NBAS: variants seen among roughly 807,000 people sequenced by gnomAD.
NBAS encodes NBAS subunit of NRZ tethering complex.
In NBAS, 219 loss-of-function variants were observed where a neutral mutation model predicts 302.5. That is an observed-to-expected ratio of 0.72 (90% CI 0.65 to 0.81). NBAS has a LOEUF of 0.81. Ranked by LOEUF, NBAS falls within the 30% of genes least tolerant of loss-of-function variation. NBAS has a pLI of 0.00. For missense variants in NBAS, 2,932 were observed against 2,841.6 expected (o/e 1.03, Z -0.72); for synonymous variants, 1,118 against 1,021.6 (o/e 1.09, Z -1.80).
chr2:15,108,046 C>T, the NBAS span, among the ~76,000 whole-genome samples: 1 of 151,880 alleles, frequency 6.6e-6, no homozygotes, highest in East Asian at 1.9e-4. Flanking sequence ...AATTAGAGTT[C>T]CATTGTATTA....
chr2:15,085,162 T>C, the NBAS span, among the ~76,000 whole-genome samples: 1 of 152,106 alleles, frequency 6.6e-6, no homozygotes, highest in Non-Finnish European at 1.5e-5. Context: ...CCCGGGGTGG[T>C]GCCACACTTG....
chr2:15,089,598 G>T, the NBAS span, among the ~76,000 whole-genome samples: 2 of 152,082 alleles, frequency 1.3e-5, no homozygotes, highest in African/African-American at 4.8e-5. Flanking sequence ...ACAGTGACAG[G>T]GTGGGAGAGT....
At chr2:15,179,496 A>T (rs557418719) in intron 50 of NBAS, 345 of 204,250 alleles carry the variant, frequency 1.7e-3, no homozygotes, top group Middle Eastern at 6.0e-3. Flanking sequence ...TGTGTGTGTG[A>T]GAGAGAGAGA....
At chr2:15,164,313 G>T (rs1325871584), downstream of NBAS, among the ~76,000 whole-genome samples, 1 of 152,246 alleles carries the variant, frequency 6.6e-6, no homozygotes, top group African/African-American at 2.4e-5. Flanking sequence ...GAGGGACCTA[G>T]AAGTGCTCTG....
intron 50 of NBAS, among the ~76,000 whole-genome samples, chr2:15,184,050 G>A (rs990044935): frequency 2.0e-5 from 3 of 152,176 alleles, no homozygotes; most frequent in African/African-American, 7.2e-5. Flanking sequence ...TTTCCGATAG[G>A]AAACAGAAAG....
the NBAS span, among the ~76,000 whole-genome samples, chr2:15,024,110 C>A: frequency 8.6e-5 from 13 of 151,660 alleles, no homozygotes; most frequent in Admixed American, 7.2e-4. Context: ...TTTTCTAAAC[C>A]TCTCCCTCCT....
intron 48 of NBAS, among the ~76,000 whole-genome samples, chr2:15,210,938 G>A (rs1016148476): frequency 4.6e-5 from 7 of 152,118 alleles, no homozygotes; most frequent in African/African-American, 1.7e-4. Flanking sequence ...TTGAACTCAT[G>A]CAGATAGAGA....
At chr2:15,036,650 C>T in the NBAS span, among the ~76,000 whole-genome samples, 1 of 152,114 alleles carries the variant, frequency 6.6e-6, no homozygotes, top group African/African-American at 2.4e-5. Flanking sequence ...GACATAAGTA[C>T]AGAGAATCAG....
At chr2:14,894,065 T>C in the NBAS span, among the ~76,000 whole-genome samples, 1 of 152,272 alleles carries the variant, frequency 6.6e-6, no homozygotes. Context: ...TATCAAGTCT[T>C]ACTTAGGAGT....
At chr2:14,841,333 A>G in the NBAS span, among the ~76,000 whole-genome samples, 1 of 151,912 alleles carries the variant, frequency 6.6e-6, no homozygotes, top group Non-Finnish European at 1.5e-5. Flanking sequence ...TTTACTTATC[A>G]ATAATAACAC....
At chr2:14,944,783 A>C in the NBAS span, among the ~76,000 whole-genome samples, 1 of 152,022 alleles carries the variant, frequency 6.6e-6, no homozygotes, top group Non-Finnish European at 1.5e-5. Flanking sequence ...AGGCTTCCAC[A>C]TTCACAATGT....
intron 44 of NBAS, among the ~76,000 whole-genome samples, chr2:15,264,840 G>A (rs888194103): frequency 2.6e-5 from 4 of 152,142 alleles, no homozygotes; most frequent in African/African-American, 7.2e-5. Context: ...TGGATGTGAC[G>A]AGGGAGACGG....
intron 48 of NBAS, among the ~76,000 whole-genome samples, chr2:15,206,958 A>C (rs4668438): frequency 0.2 from 30,027 of 152,110 alleles, 3,704 homozygotes; most frequent in East Asian, 0.47. Flanking sequence ...ACACAGAGTC[A>C]CCACTGGGGC....
intron 30 of NBAS, among the ~76,000 whole-genome samples, chr2:15,378,685 T>C (rs1035508545): frequency 5.3e-5 from 8 of 152,174 alleles, no homozygotes; most frequent in African/African-American, 1.9e-4. Flanking sequence ...TGTAATTTAC[T>C]GAAAACGGAA....
the NBAS span, among the ~76,000 whole-genome samples, chr2:14,857,117 A>G: frequency 2.0e-5 from 3 of 152,190 alleles, no homozygotes; most frequent in African/African-American, 7.2e-5. Flanking sequence ...ACATAACCAA[A>G]GCAGTGAAAG....
At chr2:15,401,511 A>G (rs1341911082) in intron 26 of NBAS, among the ~76,000 whole-genome samples, 1 of 152,120 alleles carries the variant, frequency 6.6e-6, no homozygotes, top group African/African-American at 2.4e-5. Flanking sequence ...GACTTGGTTA[A>G]AAGTCATAAA....
At chr2:15,283,545 C>T (rs1240302022) in intron 42 of NBAS, among the ~76,000 whole-genome samples, 3 of 152,148 alleles carry the variant, frequency 2.0e-5, no homozygotes, top group Non-Finnish European at 2.9e-5. Context: ...TCTTCCCCTT[C>T]GTCTTTCGCC....
At chr2:15,224,117 T>C (rs942737773) in intron 47 of NBAS, among the ~76,000 whole-genome samples, 1 of 152,202 alleles carries the variant, frequency 6.6e-6, no homozygotes, top group Non-Finnish European at 1.5e-5. Flanking sequence ...ACATGTCCAT[T>C]GAATGACTAA....
At chr2:15,534,246 CTTGAG>C (rs1350958200) in intron 9 of NBAS, among the ~76,000 whole-genome samples, 1 of 152,126 alleles carries the variant, frequency 6.6e-6, no homozygotes, top group Non-Finnish European at 1.5e-5. Context: ...CACTAATTCT[CTTGAG>C]TTATGTATCA....
Sources: gnomAD v4.1 joint callset for allele counts (sites outside exome capture counted in the v4.1 genomes callset) on GRCh38, gnomAD v4.1.1 for gene constraint, MANE v1.5 for transcripts, NCBI Gene and HGNC (gene_info 2026-07-23, HGNC 2026-07-21) for gene names.